Variants in GRAMD1B observed in about 807,000 individuals in gnomAD.
The protein encoded by GRAMD1B is protein Aster-B.
In GRAMD1B, 37 loss-of-function variants were observed where a neutral mutation model predicts 99.7. The ratio of observed to expected loss-of-function variants is 0.37; its 90% CI spans 0.29 to 0.49. The LOEUF is 0.49. Among genes scored for constraint, GRAMD1B ranks in the 20% least tolerant of loss-of-function variants. The pLI is 0.98. For synonymous variants in GRAMD1B, 427 were observed against 387.6 expected, an observed-to-expected ratio of 1.10 and a Z score of -1.19; for missense variants, 888 against 1,009.2, an observed-to-expected ratio of 0.88 and a Z score of 1.63.
chr11:123,618,616 G>T, intron 17 of GRAMD1B, 77 bp from the exon 18 acceptor site: 1 of 882,480 alleles, frequency 1.1e-6, no homozygotes. Flanking sequence ...AGGGACAGCA[G>T]CCTCTGGGAT....
At chr11:123,393,463 C>T (rs748647246) in intron 1 of GRAMD1B, among the ~76,000 whole-genome samples, 50 of 152,268 alleles carry the variant, frequency 3.3e-4, no homozygotes, top group Non-Finnish European at 6.9e-4. Context: ...AGATGGCAAC[C>T]GTGGCTGCAG....
intron 1 of GRAMD1B, among the ~76,000 whole-genome samples, chr11:123,370,818 G>T (rs914957139): frequency 6.6e-6 from 1 of 152,102 alleles, no homozygotes; most frequent in Non-Finnish European, 1.5e-5. Context: ...GTTGGAGTTG[G>T]AAAGCATGCT....
At chr11:123,599,199 C>A in intron 7 of GRAMD1B, 1 of 766,448 alleles carries the variant, frequency 1.3e-6, no homozygotes, top group Non-Finnish European at 2.4e-6. Flanking sequence ...GAGTCTGTTA[C>A]AGAAATCAGA....
At chr11:123,373,920 T>C (rs1405535808) in intron 1 of GRAMD1B, among the ~76,000 whole-genome samples, 1 of 152,222 alleles carries the variant, frequency 6.6e-6, no homozygotes, top group Non-Finnish European at 1.5e-5. Context: ...TCTCCAATTT[T>C]GCTTTCCCCA....
chr11:123,606,620 G>T lies in GRAMD1B; in HGVS notation c.1335G>T (p.Leu445=). Residue 445 remains leucine (L), a synonymous_variant, in exon 11 of 20, where the codon CTG becomes CTT. Transcript: ENST00000635736. ...TGTCTTGGCTCCAGTTTGATGGGCT[G>T]CCCCTGGAGGAAGAGGCGCTGGAGG... ...SSEAPVSFDG[L]PLEEEALEGD... is the part of the protein sequence containing the mutation. 6.2e-7 allele frequency: 1 copy of T among 1,610,278 alleles called. No individual in the cohort carries two copies. The highest frequency in any genetic ancestry group is 8.5e-7 in the Non-Finnish European group (1 of 1,178,536).
rs1555043308 is a variant in GRAMD1B, at chr11:123,492,895, C to CACACACACACACACACAT, written c.452+12002_452+12003insACACACACACACACACAT. ...ACACACACACACACACACACACACA[C>CACACACACACACACACAT]GCATAGGCATAGATGCCTGTGATTG... is the stretch of plus-strand genomic sequence containing the variant. On this transcript the variant is annotated intron_variant, in intron 2 of 19. Coordinates refer to ENST00000635736, the MANE Select transcript of GRAMD1B (RefSeq NM_001387025.1). The surrounding 1 kb of genome is among the most constrained non-coding windows in gnomAD (Gnocchi z 4.2). Among the ~76,000 whole-genome samples, 74 of 151,716 alleles carry CACACACACACACACACAT rather than the reference C, an allele frequency of 4.9e-4. 1 individual carries two copies. The highest frequency in any genetic ancestry group is 9.3e-4 in the Non-Finnish European group (63 of 67,894).
At chr11:123,606,474 G>A in intron 10 of GRAMD1B, 135 bp from the exon 11 acceptor site, 2 of 736,538 alleles carry the variant, frequency 2.7e-6, no homozygotes, top group Non-Finnish European at 4.4e-6. Context: ...GGGCTTTGGA[G>A]CCTGACTCTG....
At chr11:123,487,939 G>A (rs775636280) in intron 2 of GRAMD1B, among the ~76,000 whole-genome samples, 2 of 152,172 alleles carry the variant, frequency 1.3e-5, no homozygotes, top group South Asian at 4.1e-4. Flanking sequence ...CTGAGCACCC[G>A]AGTGTCTTAG....
At chr11:123,416,820 T>C (rs1394994215) in intron 1 of GRAMD1B, among the ~76,000 whole-genome samples, 1 of 152,236 alleles carries the variant, frequency 6.6e-6, no homozygotes, top group East Asian at 1.9e-4. Context: ...TGCTAGTGAC[T>C]GAGCTAAGTG....
intron 1 of GRAMD1B, among the ~76,000 whole-genome samples, chr11:123,397,630 G>A (rs1376916031): frequency 3.3e-5 from 5 of 152,076 alleles, no homozygotes; most frequent in Non-Finnish European, 5.9e-5. Context: ...AGCCTCCCAA[G>A]TAGCTGGGAC....
chr11:123,438,195 C>G (rs1404781312), intron 1 of GRAMD1B, among the ~76,000 whole-genome samples: 5 of 152,178 alleles, frequency 3.3e-5, no homozygotes. Flanking sequence ...CACAACAATG[C>G]CTCGGTCCCC....
chr11:123,383,297 G>A (rs1278570896), intron 1 of GRAMD1B, among the ~76,000 whole-genome samples: 1 of 151,450 alleles, frequency 6.6e-6, no homozygotes, highest in Admixed American at 6.6e-5. Context: ...CCAATGTGTG[G>A]CATCTTGATT....
intron 4 of GRAMD1B, among the ~76,000 whole-genome samples, chr11:123,588,980 A>G (rs905981617): frequency 6.6e-6 from 1 of 152,076 alleles, no homozygotes; most frequent in Non-Finnish European, 1.5e-5. Flanking sequence ...CCTTATACAT[A>G]TAGCCTGAGG....
intron 2 of GRAMD1B, among the ~76,000 whole-genome samples, chr11:123,532,913 C>T (rs186247545): frequency 8.8e-4 from 134 of 152,302 alleles, no homozygotes; most frequent in African/African-American, 3.1e-3. Flanking sequence ...GAGCCCTTTA[C>T]TCAAAGTTTG....
At chr11:123,421,569 G>A (rs577853553) in intron 1 of GRAMD1B, among the ~76,000 whole-genome samples, 1 of 152,320 alleles carries the variant, frequency 6.6e-6, no homozygotes, top group Admixed American at 6.5e-5. Context: ...GAAGAAGGAT[G>A]TGCATGGGAT....
Position 123,623,299 on chromosome 11 carries a change from G to A in GRAMD1B, c.*704G>A, listed in dbSNP as rs1353702386. 1 of 152,016 alleles carries A rather than the reference G, an allele frequency of 6.6e-6. No individual in the cohort carries two copies. The highest frequency in any genetic ancestry group is 2.4e-5 in the African/African-American group (1 of 41,324). The allele number at this position is 152,016 out of a possible 1,614,324, so 9.4% of individuals were successfully genotyped here. A position where few individuals can be genotyped will look rare whatever the true frequency, so the allele number is the denominator to read the frequency against. On this transcript the variant is annotated 3_prime_UTR_variant, in exon 20 of 20. Transcript: ENST00000635736. ...CTGTGTAGGGTGTGGACCCAGTAAGGGCTGGGAATTTCTTACTTTCCCACC... is the reference window on the plus strand; with the variant it reads ...CTGTGTAGGGTGTGGACCCAGTAAGAGCTGGGAATTTCTTACTTTCCCACC...
chr11:123,474,812 G>A (rs2714049), intron 1 of GRAMD1B, among the ~76,000 whole-genome samples: 93,714 of 152,034 alleles, frequency 0.62, 29,515 homozygotes, highest in African/African-American at 0.68. Context: ...ACTAACAGGA[G>A]AGATTGCCTC....
intron 2 of GRAMD1B, among the ~76,000 whole-genome samples, chr11:123,520,403 G>A (rs970866525): frequency 5.3e-5 from 8 of 152,072 alleles, no homozygotes; most frequent in South Asian, 2.1e-4. Flanking sequence ...AAACCCAAAA[G>A]GGGTTGGTAT....
At position 123,529,877 on chromosome 11, in the gene GRAMD1B, G is replaced by A. The variant is rs184907014; in HGVS notation, c.453-47490G>A. On this transcript the variant is annotated intron_variant, in intron 2 of 19. Coordinates refer to ENST00000635736, the MANE Select transcript of GRAMD1B (RefSeq NM_001387025.1). ...ACATCTGTCTGAATTCCCTGTCCTC[G>A]TGTTCCTGGCCCTCACATCTGCTGG... 2.2e-3 allele frequency among the ~76,000 whole-genome samples: 331 copies of A among 152,174 alleles called. 3 individuals are homozygous for A. Among genetic ancestry groups the A allele is most frequent in the African/African-American group, 7.5e-3 (310 of 41,510 alleles).
Sources: allele counts gnomAD v4.1 joint callset (sites outside exome capture counted in the v4.1 genomes callset), GRCh38; gene constraint gnomAD v4.1.1; non-coding constraint Gnocchi (gnomAD v3.1); transcripts MANE v1.5; gene names NCBI Gene and HGNC (gene_info 2026-07-23, HGNC 2026-07-21).